SYNPR: variants seen among roughly 807,000 people sequenced by gnomAD.
SYNPR encodes the protein synaptoporin.
Under a neutral mutation model 32.9 loss-of-function variants are expected in SYNPR, and 23 were observed. The observed-to-expected ratio is 0.70, with a 90% CI of 0.50 to 0.99. SYNPR has a LOEUF of 0.99. Among genes scored for constraint, SYNPR ranks in the 50% least tolerant of loss-of-function variants. The probability of loss-of-function intolerance (pLI) is 0.00; values close to 1 mark genes in which losing one functional copy is unlikely to be tolerated. For synonymous variants in SYNPR, 146 were observed against 135.9 expected (o/e 1.07, Z -0.52); for missense variants, 318 against 349.3 (o/e 0.91, Z 0.71).
intron 2 of SYNPR, among the ~76,000 whole-genome samples, chr3:63,340,702 A>T (rs1202609923): frequency 1.3e-5 from 2 of 152,150 alleles, no homozygotes; most frequent in Non-Finnish European, 2.9e-5. Context: ...TACAGGCGTG[A>T]GCCACCGCGC....
At chr3:63,608,144 TAGAC>T (rs1700150133) in intron 4 of SYNPR, among the ~76,000 whole-genome samples, 1 of 152,126 alleles carries the variant, frequency 6.6e-6, no homozygotes, top group African/African-American at 2.4e-5. Flanking sequence ...GTCTAAATCT[TAGAC>T]AGTCTCTCCT....
At chr3:63,556,818 T>G in intron 4 of SYNPR, 77 bp downstream of exon 4, 1 of 1,365,336 alleles carries the variant, frequency 7.3e-7, no homozygotes, top group Non-Finnish European at 9.8e-7. Context: ...GACTTTGGAG[T>G]TACCTGAGCC....
At chr3:63,225,689 T>C (rs2086123373), upstream of SYNPR, among the ~76,000 whole-genome samples, 1 of 152,136 alleles carries the variant, frequency 6.6e-6, no homozygotes, top group African/African-American at 2.4e-5. Flanking sequence ...CTTGAAACTA[T>C]AAAACTACTA....
chr3:63,297,405 G>A (rs781116944), intron 2 of SYNPR, among the ~76,000 whole-genome samples: 8 of 152,068 alleles, frequency 5.3e-5, no homozygotes, highest in Non-Finnish European at 8.8e-5. Flanking sequence ...AATATAAAAC[G>A]AATGACCTTT....
At chr3:63,565,600 A>G (rs1203200563) in intron 4 of SYNPR, among the ~76,000 whole-genome samples, 1 of 152,156 alleles carries the variant, frequency 6.6e-6, no homozygotes, top group Non-Finnish European at 1.5e-5. Flanking sequence ...ATATTATCAC[A>G]TTGACAACAC....
intron 1 of SYNPR, among the ~76,000 whole-genome samples, chr3:63,237,283 T>C (rs2086207047): frequency 6.6e-6 from 1 of 152,100 alleles, no homozygotes; most frequent in Non-Finnish European, 1.5e-5. Context: ...GAAATTCTAT[T>C]TCTGTGTCCT....
intron 3 of SYNPR, among the ~76,000 whole-genome samples, chr3:63,522,291 A>C (rs1701932268): frequency 6.6e-6 from 1 of 152,202 alleles, no homozygotes; most frequent in South Asian, 2.1e-4. Flanking sequence ...TATCCAAGGA[A>C]TTTCCTTCTC....
intron 2 of SYNPR, among the ~76,000 whole-genome samples, chr3:63,297,701 C>A (rs1475568150): frequency 1.3e-5 from 2 of 152,050 alleles, no homozygotes; most frequent in South Asian, 4.1e-4. Context: ...CTCAAGCACT[C>A]AAAGGCTAGG....
intron 2 of SYNPR, among the ~76,000 whole-genome samples, chr3:63,295,170 C>T (rs1032970143): frequency 6.6e-6 from 1 of 152,142 alleles, no homozygotes; most frequent in Admixed American, 6.6e-5. Flanking sequence ...CTCTGCCTCA[C>T]ATATTGCTAT....
intron 2 of SYNPR, among the ~76,000 whole-genome samples, chr3:63,369,969 G>A (rs903324175): frequency 6.6e-6 from 1 of 152,132 alleles, no homozygotes. Context: ...TGACCATTTT[G>A]AAAAGAGGGT....
chr3:63,488,090 G>T (rs1330357273), intron 3 of SYNPR, among the ~76,000 whole-genome samples: 2 of 152,094 alleles, frequency 1.3e-5, no homozygotes, highest in East Asian at 3.9e-4. Flanking sequence ...AAAGAATTTT[G>T]TCCCTAAGAT....
intron 2 of SYNPR, among the ~76,000 whole-genome samples, chr3:63,344,546 A>G (rs1334457479): frequency 3.0e-5 from 4 of 134,286 alleles, no homozygotes; most frequent in Non-Finnish European, 6.1e-5. Context: ...CATATTCAAA[A>G]AAGATTTTTT....
intron 2 of SYNPR, among the ~76,000 whole-genome samples, chr3:63,259,111 A>C (rs1455423356): frequency 6.6e-6 from 1 of 152,182 alleles, no homozygotes; most frequent in Non-Finnish European, 1.5e-5. Context: ...ATCCAGGACC[A>C]GATGGATTCA....
chr3:63,462,062 A>C (rs1559506312), intron 2 of SYNPR, among the ~76,000 whole-genome samples: 2 of 152,178 alleles, frequency 1.3e-5, no homozygotes, highest in South Asian at 2.1e-4. Context: ...CCTCTTGGCC[A>C]CTGCAGCCAC....
intron 2 of SYNPR, among the ~76,000 whole-genome samples, chr3:63,286,736 G>A (rs1443975353): frequency 6.6e-6 from 1 of 152,196 alleles, no homozygotes; most frequent in Non-Finnish European, 1.5e-5. Context: ...CCTGTTCAAT[G>A]TACTAGCTTA....
intron 2 of SYNPR, among the ~76,000 whole-genome samples, chr3:63,386,115 C>T (rs1269082140): frequency 6.6e-6 from 1 of 152,210 alleles, no homozygotes. Context: ...ACTCAGCTGA[C>T]ATATAGAGTG....
At chr3:63,257,056 A>C (rs1009820727) in intron 2 of SYNPR, among the ~76,000 whole-genome samples, 1 of 152,186 alleles carries the variant, frequency 6.6e-6, no homozygotes, top group South Asian at 2.1e-4. Flanking sequence ...GCCTCCAAGA[A>C]ATATGGGACT....
At chr3:63,330,529 G>C (rs4688166) in intron 2 of SYNPR, among the ~76,000 whole-genome samples, 113,009 of 151,694 alleles carry the variant, frequency 0.74, 43,264 homozygotes, top group Non-Finnish European at 0.83. Context: ...GCTTGAGACC[G>C]CAGAAAGAGA....
At chr3:63,519,368 T>C (rs1409894582) in intron 3 of SYNPR, among the ~76,000 whole-genome samples, 3 of 152,242 alleles carry the variant, frequency 2.0e-5, no homozygotes, top group Non-Finnish European at 2.9e-5. Context: ...ATAATAATAG[T>C]GACCTTATAG....
Sources: gnomAD v4.1 joint callset for allele counts (sites outside exome capture counted in the v4.1 genomes callset) on GRCh38, gnomAD v4.1.1 for gene constraint, MANE v1.5 for transcripts, NCBI Gene and HGNC (gene_info 2026-07-23, HGNC 2026-07-21) for gene names.